KLHDC2: variants seen among roughly 807,000 people sequenced by gnomAD.
KLHDC2 encodes the protein kelch domain containing 2, also known as kelch domain-containing protein 2.
A neutral mutation model predicts 62.3 loss-of-function variants in KLHDC2; 38 were observed. The observed-to-expected ratio is 0.61, with a 90% CI of 0.47 to 0.80. The LOEUF is 0.80. Ranked by LOEUF, KLHDC2 falls within the 30% of genes least tolerant of loss-of-function variation. The probability of loss-of-function intolerance (pLI) is 0.00; values close to 1 mark genes in which losing one functional copy is unlikely to be tolerated. For missense variants in KLHDC2, 430 were observed against 495.3 expected (o/e 0.87, Z 1.25); for synonymous variants, 159 against 161.0 (o/e 0.99, Z 0.09).
intron 6 of KLHDC2, 57 bp downstream of exon 6, chr14:49,778,551 T>TGGGGTG: frequency 1.0e-5 from 1 of 97,826 alleles, no homozygotes; most frequent in Non-Finnish European, 2.3e-5. Context: ...TGGGGAGGGG[T>TGGGGTG]GGGGTAGGGG....
chr14:49,784,894 T>C lies in KLHDC2; in HGVS notation c.*1941T>C, dbSNP rs1890089160. The C allele has an allele frequency of 6.4e-7, 1 of 1,568,680 alleles. No homozygotes were observed. Among genetic ancestry groups the C allele is most frequent in the Admixed American group, 1.7e-5 (1 of 59,224 alleles). ...AACATTTTAAATTGTACTGTCAGTC[T>C]CCACATTCCTTTTCTGAAGGAGAAC... On this transcript the variant is annotated 3_prime_UTR_variant, in exon 13 of 13. Transcript: ENST00000298307.
At chr14:49,768,850 G>A in intron 1 of KLHDC2, 1 of 496,618 alleles carries the variant, frequency 2.0e-6, no homozygotes, top group Non-Finnish European at 3.5e-6. Flanking sequence ...ATGTCACCCT[G>A]GTGCTCACAA....
Position 49,768,300 on chromosome 14 carries a change from C to G in KLHDC2, c.-169C>G. 1.4e-6 allele frequency: 1 copy of G among 702,528 alleles called. No homozygotes were observed. The highest frequency in any genetic ancestry group is 2.2e-6 in the Non-Finnish European group (1 of 449,100). 43.5% of individuals were successfully genotyped at this position (702,528 alleles called of 1,614,324 possible). A position where few individuals can be genotyped will look rare whatever the true frequency, so the allele number is the denominator to read the frequency against. ...GCGGCGGCGGAGAGCCGTCCTCGGC[C>G]GAGGAGGCTGGGAAACGCGAGCGCA... is the stretch of plus-strand genomic sequence containing the variant. On this transcript the variant is annotated 5_prime_UTR_variant, in exon 1 of 13. Coordinates refer to ENST00000298307, the MANE Select transcript of KLHDC2 (RefSeq NM_014315.3).
intron 1 of KLHDC2, 29 bp from the exon 2 acceptor site, chr14:49,771,565 T>G: frequency 1.0e-6 from 1 of 1,001,892 alleles, no homozygotes; most frequent in East Asian, 2.4e-5. Flanking sequence ...AATACCAGTT[T>G]TTATATTTAC....
chr14:49,775,355 T>G (rs750760257), intron 3 of KLHDC2, among the ~76,000 whole-genome samples: 23 of 152,336 alleles, frequency 1.5e-4, no homozygotes, highest in African/African-American at 5.0e-4. Context: ...AAGAATGATA[T>G]AGTTCTCACC....
rs376962371 is a variant in KLHDC2 at position 49,784,914 on chromosome 14, G to A, written c.*1961G>A. ...CAGTCTCCACATTCCTTTTCTGAAG[G>A]AGAACTTTACCTTTACGCTGCGGAA... On this transcript the variant is annotated 3_prime_UTR_variant, in exon 13 of 13. Coordinates refer to ENST00000298307, the MANE Select transcript of KLHDC2 (RefSeq NM_014315.3). 103 of 1,608,344 alleles carry A rather than the reference G, an allele frequency of 6.4e-5. No individual in the cohort carries two copies. In the Middle Eastern group the frequency reaches 8.4e-4, roughly 13 times the overall value.
intron 1 of KLHDC2, among the ~76,000 whole-genome samples, chr14:49,769,837 G>A (rs886715008): frequency 6.6e-6 from 1 of 152,178 alleles, no homozygotes; most frequent in African/African-American, 2.4e-5. Context: ...GTCTACTTGA[G>A]AGGCTAAGGC....
At chr14:49,780,044 T>C in intron 8 of KLHDC2, 169 bp from the exon 9 acceptor site, 1 of 624,560 alleles carries the variant, frequency 1.6e-6, no homozygotes, top group Non-Finnish European at 2.8e-6. Flanking sequence ...AAGTTGATTC[T>C]AACGTCAAAG....
At position 49,782,387 on chromosome 14, in the gene KLHDC2, G is replaced by A. The variant is rs374674284; in HGVS notation, c.974G>A (p.Cys325Tyr). The change falls in exon 11 of 13, where the codon TGT becomes TAT. Residue 325 changes from cysteine to tyrosine, a missense_variant. Cys to Tyr is a radical substitution (Grantham distance 194). Coordinates refer to ENST00000298307, the MANE Select transcript of KLHDC2 (RefSeq NM_014315.3). ...TEKPRLWHTA[C>Y]ASDEGEVIVF... ...AAATGCAGGTTATGGCACACAGCTT[G>A]TGCCAGCGATGAAGGAGAAGTAATT... 1 of 1,612,520 alleles carries A rather than the reference G, an allele frequency of 6.2e-7. No individual in the cohort carries two copies. Among genetic ancestry groups the A allele is most frequent in the Non-Finnish European group, 8.5e-7 (1 of 1,178,920 alleles).
Position 49,783,356 on chromosome 14 carries a change from CAATAT to C in KLHDC2, c.*408_*412del, listed in dbSNP as rs1890004277. ...GTTATGTAACCTAGTGTTGTAAATA[CAATAT>C]AATAAAGGTTTTTTTTTTTAAACAT... On this transcript the variant is annotated 3_prime_UTR_variant, in exon 13 of 13. Coordinates refer to ENST00000298307, the MANE Select transcript of KLHDC2 (RefSeq NM_014315.3). The C allele has an allele frequency of 1.8e-5, 2 of 113,026 alleles. No individual in the cohort carries two copies. The highest frequency in any genetic ancestry group is 3.8e-5 in the Non-Finnish European group (2 of 53,296). The allele number at this position is 113,026 out of a possible 1,614,324, so 7.0% of individuals were successfully genotyped here.
intron 1 of KLHDC2, among the ~76,000 whole-genome samples, chr14:49,769,640 A>G (rs1889619417): frequency 6.6e-6 from 1 of 152,182 alleles, no homozygotes; most frequent in Admixed American, 6.5e-5. Context: ...GAATGTGGTT[A>G]GAAAATAGAA....
chr14:49,779,346 A>G (rs1802765431), intron 6 of KLHDC2, among the ~76,000 whole-genome samples: 1 of 152,174 alleles, frequency 6.6e-6, no homozygotes, highest in African/African-American at 2.4e-5. Context: ...GCCAGCCTTT[A>G]TTTTAAAAGA....
chr14:49,771,728 GTGGC>G, intron 2 of KLHDC2, 55 bp downstream of exon 2: 1 of 907,394 alleles, frequency 1.1e-6, no homozygotes, highest in South Asian at 1.3e-5. Context: ...GCTGGGCACG[GTGGC>G]TGGCTCATGC....
Position 49,774,572 on chromosome 14 carries a change from A to G in KLHDC2, c.245A>G (p.Asn82Ser), listed in dbSNP as rs1467313551. ...NMETGRWKKI[N>S]TEGDVPPSMS... ...TTATTCCCCCTCAGGAAAAAAATCA[A>G]CACTGAAGGTGATGTTCCTCCTTCT... The change falls in exon 3 of 13, where the codon AAC (asparagine) becomes AGC (serine). Residue 82 changes from asparagine (N) to serine (S), a missense_variant. By Grantham distance (46) the Asn-to-Ser change is conservative (BLOSUM62 1). Transcript: ENST00000298307. 1.2e-6 allele frequency: 2 copies of G among 1,611,026 alleles called. No homozygotes were observed. The highest frequency in any genetic ancestry group is 1.7e-5 in the Admixed American group (1 of 60,002).
In KLHDC2 at chr14:49,783,672, G is replaced by A. The variant is rs1036983136; in HGVS notation, c.*719G>A. The A allele has an allele frequency of 6.6e-6, 1 of 151,742 alleles. No individual in the cohort carries two copies. The highest frequency in any genetic ancestry group is 1.5e-5 in the Non-Finnish European group (1 of 67,854). The allele number at this position is 151,742 out of a possible 1,614,324, so 9.4% of individuals were successfully genotyped here. A position where few individuals can be genotyped will look rare whatever the true frequency, so the allele number is the denominator to read the frequency against. Reference sequence around the variant, plus strand: ...CCTAAAATGCGCTTCTGGTATTATAGGTTAAGATACTCTAACGTGCTATAT... The same window carrying A: ...CCTAAAATGCGCTTCTGGTATTATAAGTTAAGATACTCTAACGTGCTATAT... On this transcript the variant is annotated 3_prime_UTR_variant, in exon 13 of 13. Coordinates refer to ENST00000298307, the MANE Select transcript of KLHDC2 (RefSeq NM_014315.3).
At chr14:49,778,726 CTTT>C (rs1247617795) in intron 6 of KLHDC2, among the ~76,000 whole-genome samples, 1 of 143,990 alleles carries the variant, frequency 6.9e-6, no homozygotes, top group East Asian at 2.0e-4. Flanking sequence ...TAATCTAATA[CTTT>C]TTTTTTTTTT....
Position 49,783,160 on chromosome 14 carries a change from A to G in KLHDC2, c.*207A>G, listed in dbSNP as rs762799933. 2.6e-6 allele frequency: 1 copy of G among 389,162 alleles called. No homozygotes were observed. The highest frequency in any genetic ancestry group is 4.5e-6 in the Non-Finnish European group (1 of 222,150). 24.1% of individuals were successfully genotyped at this position (389,162 alleles called of 1,614,324 possible). A position where few individuals can be genotyped will look rare whatever the true frequency, so the allele number is the denominator to read the frequency against. ...ACCAGTAGCTGTCCTCTATTAAAGTAAAGTAATGGTTGGGCTTTTTACCCT... is the reference window on the plus strand; with the variant it reads ...ACCAGTAGCTGTCCTCTATTAAAGTGAAGTAATGGTTGGGCTTTTTACCCT... On this transcript the variant is annotated 3_prime_UTR_variant, in exon 13 of 13. Transcript: ENST00000298307.
Position 49,784,198 on chromosome 14 carries a change from T to TTAAG in KLHDC2, c.*1247_*1250dup, listed in dbSNP as rs1491462011. On this transcript the variant is annotated 3_prime_UTR_variant, in exon 13 of 13. Coordinates refer to ENST00000298307, the MANE Select transcript of KLHDC2 (RefSeq NM_014315.3). ...TATAAAACTGGGAAAAAAACAAGAA[T>TTAAG]TAAGTCCTTTTGGTGAATATAGCAA... 6.5e-6 allele frequency: 1 copy of TTAAG among 152,740 alleles called. No homozygotes were observed. Among genetic ancestry groups the TTAAG allele is most frequent in the African/African-American group, 2.4e-5 (1 of 41,312 alleles). 9.5% of individuals were successfully genotyped at this position (152,740 alleles called of 1,614,324 possible).
rs1202050412 is a variant in KLHDC2 at position 49,784,956 on chromosome 14, G to C, written c.*2003G>C. 1 of 1,613,724 alleles carries C rather than the reference G, an allele frequency of 6.2e-7. No individual in the cohort carries two copies. Among genetic ancestry groups the C allele is most frequent in the South Asian group, 1.1e-5 (1 of 91,048 alleles). On this transcript the variant is annotated 3_prime_UTR_variant, in exon 13 of 13. Transcript: ENST00000298307. ...GCTGCGGAATAAGTCTTTTTCTCTT[G>C]CTGTTGCTTCTTTGGAATGCATGAA...
Sources: gnomAD v4.1 joint callset for allele counts (sites outside exome capture counted in the v4.1 genomes callset) on GRCh38, gnomAD v4.1.1 for gene constraint, MANE v1.5 for transcripts, NCBI Gene and HGNC (gene_info 2026-07-23, HGNC 2026-07-21) for gene names.